Variants in TRRAP observed in about 807,000 individuals in gnomAD.
TRRAP encodes transformation/transcription domain associated protein, also known as transformation/transcription domain-associated protein.
A neutral mutation model predicts 438.8 loss-of-function variants in TRRAP; 41 were observed. The ratio of observed to expected loss-of-function variants is 0.09; its 90% CI spans 0.07 to 0.12. The LOEUF (loss-of-function observed/expected upper bound fraction) is 0.12. Ranked by LOEUF, TRRAP falls within the 10% of genes least tolerant of loss-of-function variation. The pLI, the probability that TRRAP is intolerant of heterozygous loss-of-function variation, is 1.00. For synonymous variants in TRRAP, 1,994 were observed against 1,962.9 expected (o/e 1.02, Z -0.42); for missense variants, 3,122 against 5,055.1 (o/e 0.62, Z 11.60).
Position 98,976,983 on chromosome 7 carries a change from G to C in TRRAP, c.8292G>C (p.Glu2764Asp), listed in dbSNP as rs1792691090. The change falls in exon 56 of 73, where the codon GAG (glutamate) becomes GAC (aspartate). Residue 2764 changes from glutamate (E) to aspartate (D), a missense_variant. By Grantham distance (45) the Glu-to-Asp change is conservative (BLOSUM62 2). This residue lies in a region of TRRAP where 992 missense variants were observed against 1,281.2 expected (regional missense o/e 0.77). Transcript: ENST00000456197. This position sits in a 1 kb window ranked among gnomAD's most constrained non-coding sequence, Gnocchi z 4.6. ...CGGAGCTTTACTCCCTGTTACAAGA[G>C]GAAGATATGTGGGCTGGTCTGTGGC... ...SLAELYSLLQEEDMWAGLWQK... is the reference protein window; with the variant it reads ...SLAELYSLLQDEDMWAGLWQK... The C allele has an allele frequency of 6.2e-7, 1 of 1,614,208 alleles. No individual in the cohort carries two copies. The highest frequency in any genetic ancestry group is 8.5e-7 in the Non-Finnish European group (1 of 1,180,038).
chr7:98,901,525 A>G (rs905155959), intron 11 of TRRAP, among the ~76,000 whole-genome samples: 1 of 152,156 alleles, frequency 6.6e-6, no homozygotes, highest in Non-Finnish European at 1.5e-5. Flanking sequence ...GATTATTTCT[A>G]ATGTTTTTGA....
intron 69 of TRRAP, among the ~76,000 whole-genome samples, chr7:99,008,008 T>C (rs945916992): frequency 2.6e-5 from 4 of 151,776 alleles, no homozygotes; most frequent in African/African-American, 4.8e-5. Flanking sequence ...GTATTTTTAG[T>C]AGAGACGAGG....
intron 58 of TRRAP, among the ~76,000 whole-genome samples, chr7:98,979,956 A>G (rs1482520299): frequency 6.6e-6 from 1 of 152,194 alleles, no homozygotes; most frequent in Non-Finnish European, 1.5e-5. Context: ...CAGTGGGGAA[A>G]ATAGAAGAGA....
chr7:98,921,695 C>T lies in TRRAP; in HGVS notation c.2623-58C>T, dbSNP rs535156718. On this transcript the variant is annotated intron_variant, in intron 20 of 72. Transcript: ENST00000456197. ...CTGGCCTCCCTTTTGAGTTTTGATC[C>T]GAACCTCGTGAAGGCATTACCTTAA... 1.1e-4 allele frequency: 175 copies of T among 1,602,984 alleles called. 3 individuals are homozygous for T. In the South Asian group the frequency reaches 1.7e-3, roughly 15 times the overall value.
chr7:98,982,992 T>C (rs1450914700), intron 59 of TRRAP, among the ~76,000 whole-genome samples: 2 of 152,124 alleles, frequency 1.3e-5, no homozygotes, highest in Admixed American at 6.5e-5. Flanking sequence ...CTAGGTTTGG[T>C]GTCTGTACCA....
chr7:98,995,758 A>G (rs1271808787), intron 67 of TRRAP, among the ~76,000 whole-genome samples: 1 of 139,578 alleles, frequency 7.2e-6, no homozygotes, highest in Non-Finnish European at 1.5e-5. Context: ...CCATCCACTC[A>G]CCTGTATCCT....
In TRRAP at chr7:98,910,217, T is replaced by TCCCCCC; in HGVS notation, c.1512_1513insCCCCCC (p.Pro504_Ala505insProPro). ...CTGCTCCCTCCCCAGCCCCTGTCCC[T>TCCCCCC]GCCCCACCTCCACCCCCGCCCCCAC... On this transcript the variant is annotated inframe_insertion, in exon 15 of 73. Coordinates refer to ENST00000456197, the MANE Select transcript of TRRAP (RefSeq NM_001375524.1). The TCCCCCC allele has an allele frequency of 9.6e-7, 1 of 1,045,586 alleles. No homozygotes were observed. 64.8% of individuals were successfully genotyped at this position (1,045,586 alleles called of 1,614,324 possible).
intron 7 of TRRAP, among the ~76,000 whole-genome samples, chr7:98,897,044 GGC>G (rs1319738929): frequency 6.6e-6 from 1 of 152,092 alleles, no homozygotes; most frequent in Non-Finnish European, 1.5e-5. Flanking sequence ...AGACCAGCTT[GGC>G]CAACGTGGTG....
chr7:98,965,880 A>G lies in TRRAP; in HGVS notation c.7161A>G (p.Pro2387=), dbSNP rs1169323313. 1 of 1,614,212 alleles carries G rather than the reference A, an allele frequency of 6.2e-7. No homozygotes were observed. Among genetic ancestry groups the G allele is most frequent in the Non-Finnish European group, 8.5e-7 (1 of 1,180,036 alleles). Residue 2387 remains proline, a synonymous_variant, in exon 49 of 73, where the codon CCA becomes CCG. Transcript: ENST00000456197. ...AAGAATGGGTCAAGAATAACTCCCC[A>G]ATGGCAGCCAATCAGGTGAGCTGGG... ...IVEEWVKNNS[P]MAANQTPTLR... is the part of the protein sequence containing the mutation.
At chr7:98,883,685 T>C (rs1795564981) in intron 3 of TRRAP, among the ~76,000 whole-genome samples, 1 of 152,148 alleles carries the variant, frequency 6.6e-6, no homozygotes, top group Admixed American at 6.6e-5. Context: ...GGCTAATTTT[T>C]GTATATTTTG....
In TRRAP at chr7:98,950,193, G is replaced by A; in HGVS notation, c.5265G>A (p.Gln1755=). 1 of 1,614,206 alleles carries A rather than the reference G, an allele frequency of 6.2e-7. No individual in the cohort carries two copies. ...EEIPKNYSIA[Q]KRALFFRFVD... ...TTCCCAAAAATTACAGCATCGCTCAGAAACGTGCCCTGTTCTTTCGCTTTG... is the reference window on the plus strand; with the variant it reads ...TTCCCAAAAATTACAGCATCGCTCAAAAACGTGCCCTGTTCTTTCGCTTTG... The change falls in exon 38 of 73, where the codon CAG becomes CAA. Residue 1755 remains glutamine, a synonymous_variant. Transcript: ENST00000456197.
chr7:98,983,869 T>A (rs1484212720), intron 60 of TRRAP, among the ~76,000 whole-genome samples: 1 of 152,174 alleles, frequency 6.6e-6, no homozygotes, highest in East Asian at 1.9e-4. Flanking sequence ...GCAGCCTTTG[T>A]CATTTTATGA....
intron 18 of TRRAP, among the ~76,000 whole-genome samples, chr7:98,912,835 G>GA (rs1177886267): frequency 1.0e-4 from 15 of 150,036 alleles, no homozygotes; most frequent in African/African-American, 2.0e-4. Flanking sequence ...GCTTTTCAGG[G>GA]AAAAAAAAAC....
At position 98,994,219 on chromosome 7, in the gene TRRAP, T is replaced by C. The variant is rs943791404; in HGVS notation, c.10048-368T>C. 6.6e-6 allele frequency among the ~76,000 whole-genome samples: 1 copy of C among 152,180 alleles called. No individual in the cohort carries two copies. Among genetic ancestry groups the C allele is most frequent in the African/African-American group, 2.4e-5 (1 of 41,442 alleles). On this transcript the variant is annotated intron_variant, in intron 66 of 72. Transcript: ENST00000456197. This position sits in a 1 kb window ranked among gnomAD's most constrained non-coding sequence, Gnocchi z 4.8. The stretch of plus-strand genomic sequence containing the variant: ...AGCCCCGGGGCCAGCTCCTTACTGC[T>C]GTGAAGTCTCGTGTGTGCACAGTGC...
At chr7:98,897,607 C>A in intron 7 of TRRAP, 134 bp from the exon 8 acceptor site, 1 of 1,183,822 alleles carries the variant, frequency 8.4e-7, no homozygotes, top group South Asian at 1.6e-5. Context: ...GTTGGTGCAG[C>A]ATAAAAATGT....
At position 98,959,422 on chromosome 7, in the gene TRRAP, T is replaced by C. The variant is rs761658031; in HGVS notation, c.6421T>C (p.Leu2141=). The C allele has an allele frequency of 6.2e-7, 1 of 1,614,030 alleles. No individual in the cohort carries two copies. Among genetic ancestry groups the C allele is most frequent in the Non-Finnish European group, 8.5e-7 (1 of 1,180,002 alleles). ...RRCVNLLKTA[L]RPDMWPKSEL... is the part of the protein sequence containing the mutation. ...GTGTGTGAACCTTCTGAAGACTGCG[T>C]TGCGGCCAGACATGTGGCCCAAGTC... The change falls in exon 45 of 73, where the codon TTG becomes CTG. Residue 2141 remains leucine, a synonymous_variant. Coordinates refer to ENST00000456197, the MANE Select transcript of TRRAP (RefSeq NM_001375524.1).
intron 6 of TRRAP, among the ~76,000 whole-genome samples, chr7:98,895,397 G>A (rs1309360754): frequency 1.3e-5 from 2 of 152,232 alleles, no homozygotes; most frequent in African/African-American, 4.8e-5. Context: ...ATGCTCCTGT[G>A]TTAAGCTGAT....
chr7:98,955,060 C>T (rs1181969762), intron 40 of TRRAP, 38 bp from the exon 41 acceptor site: 1 of 1,577,600 alleles, frequency 6.3e-7, no homozygotes, highest in South Asian at 1.1e-5. Context: ...TTAAAGCCTT[C>T]CTTCTCATCC....
intron 3 of TRRAP, among the ~76,000 whole-genome samples, chr7:98,886,325 GAGATAGATAT>G (rs1352254411): frequency 2.5e-4 from 38 of 150,490 alleles, no homozygotes; most frequent in South Asian, 1.2e-3. Context: ...TATATAGATA[GAGATAGATAT>G]AGATAGATAT....
Sources: allele counts gnomAD v4.1 joint callset (sites outside exome capture counted in the v4.1 genomes callset), GRCh38; gene constraint gnomAD v4.1.1; regional missense constraint gnomAD v4.1.1; non-coding constraint Gnocchi (gnomAD v3.1); transcripts MANE v1.5; gene names NCBI Gene and HGNC (gene_info 2026-07-23, HGNC 2026-07-21).